Variants in AP3D1 observed in about 807,000 individuals in gnomAD.
AP3D1 encodes AP-3 complex subunit delta-1.
A neutral mutation model predicts 147.6 loss-of-function variants in AP3D1; 51 were observed. That is an observed-to-expected ratio of 0.35 (90% CI 0.28 to 0.44). The LOEUF (loss-of-function observed/expected upper bound fraction) is 0.44, where lower values mean the gene tolerates loss of function less well. AP3D1 is among the 20% of genes least tolerant of loss of function. The pLI is 1.00. For synonymous variants in AP3D1, 760 were observed against 663.0 expected (o/e 1.15, Z -2.25); for missense variants, 1,421 against 1,624.2 (o/e 0.87, Z 2.15).
chr19:2,156,988 C>A (rs537361258), intron 1 of AP3D1, among the ~76,000 whole-genome samples: 6 of 150,520 alleles, frequency 4.0e-5, no homozygotes, highest in African/African-American at 1.5e-4. Context: ...ACCCATCCAC[C>A]CATCAACAAG....
At position 2,149,285 on chromosome 19, in the gene AP3D1, C is replaced by T. The variant is rs1170648800; in HGVS notation, c.96+1954G>A. On this transcript the variant is annotated intron_variant, in intron 1 of 31. Transcript: ENST00000643116. ...TCCCAGCCGGGTGCAGTGGCTCACG[C>T]CTGTAATTCTAACACTCTGGGAGGC... Among the ~76,000 whole-genome samples, 3 of 152,294 alleles carry T rather than the reference C, an allele frequency of 2.0e-5. No homozygotes were observed. In the South Asian group the frequency reaches 6.2e-4, roughly 32 times the overall value.
Position 2,126,670 on chromosome 19 carries a change from AAG to A in AP3D1, c.856+480_856+481del, listed in dbSNP as rs201750715. On this transcript the variant is annotated intron_variant, in intron 9 of 31. Transcript: ENST00000643116. ...TCTGCCTCAAAAAAAAAAAAAAAAA[AAG>A]AAAGAAAAAGAAAATATTTTTGTGG... 1.6e-3 allele frequency among the ~76,000 whole-genome samples: 237 copies of A among 151,134 alleles called. 4 individuals carry two copies. The highest frequency in any genetic ancestry group is 5.6e-3 in the African/African-American group (229 of 41,160).
At chr19:2,127,015 C>T in intron 9 of AP3D1, 137 bp downstream of exon 9, 1 of 907,092 alleles carries the variant, frequency 1.1e-6, no homozygotes. Flanking sequence ...AGCCCCAGGC[C>T]CCACCAGCCA....
chr19:2,129,858 C>T (rs756382527), intron 6 of AP3D1, among the ~76,000 whole-genome samples: 13 of 152,200 alleles, frequency 8.5e-5, no homozygotes, highest in African/African-American at 1.2e-4. Context: ...GCTCGCCCAT[C>T]GGGTCCCGGG....
chr19:2,103,625 C>G (rs899352024), intron 31 of AP3D1, among the ~76,000 whole-genome samples: 4 of 152,318 alleles, frequency 2.6e-5, no homozygotes, highest in South Asian at 4.1e-4. Context: ...AGGCCAGGGA[C>G]AAGAGGCAGC....
chr19:2,159,237 G>C (rs769327384), intron 1 of AP3D1, among the ~76,000 whole-genome samples: 109 of 96,584 alleles, frequency 1.1e-3, no homozygotes, highest in Admixed American at 1.7e-3. Flanking sequence ...TTTTTTTTTT[G>C]AGACGGAGTC....
At chr19:2,138,152 T>C (rs568962689) in intron 2 of AP3D1, among the ~76,000 whole-genome samples, 2 of 152,298 alleles carry the variant, frequency 1.3e-5, no homozygotes, top group South Asian at 4.1e-4. Context: ...TGGGGGACCC[T>C]GGACGAGCCC....
At position 2,117,310 on chromosome 19, in the gene AP3D1, G is replaced by C; in HGVS notation, c.1771C>G (p.Pro591Ala). 1 of 1,612,760 alleles carries C rather than the reference G, an allele frequency of 6.2e-7. No individual in the cohort carries two copies. Among genetic ancestry groups the C allele is most frequent in the African/African-American group, 1.3e-5 (1 of 75,026 alleles). Reference sequence around the variant, plus strand: ...AGAGCGCTGACCTCCTCTGCCACAGGCACGTCCTTGGCCTGAAGCTTCTGG... The same window carrying C: ...AGAGCGCTGACCTCCTCTGCCACAGCCACGTCCTTGGCCTGAAGCTTCTGG... ...HIQKLQAKDV[P>A]VAEEVSALFA... The change falls in exon 16 of 32, where the codon CCT becomes GCT. Residue 591 changes from proline to alanine, a missense_variant. Pro to Ala is a conservative substitution (Grantham distance 27, BLOSUM62 -1). Coordinates refer to ENST00000643116, the MANE Select transcript of AP3D1 (RefSeq NM_001261826.3).
intron 1 of AP3D1, among the ~76,000 whole-genome samples, chr19:2,140,187 C>G (rs866972607): frequency 6.6e-6 from 1 of 152,160 alleles, no homozygotes. Flanking sequence ...AAGACCATCC[C>G]AGGCGTGGAG....
chr19:2,150,409 G>A (rs930744454), intron 1 of AP3D1, among the ~76,000 whole-genome samples: 1 of 152,350 alleles, frequency 6.6e-6, no homozygotes, highest in Non-Finnish European at 1.5e-5. Flanking sequence ...TAGGTCACAG[G>A]TTGGGGGAAG....
rs137939397 is a variant in AP3D1 at position 2,157,441 on chromosome 19, C to CAAAAAAAA, written c.-103+6907_-103+6914dup. ...TGGGCGACAGAGCGAGACTCCGTCTCAAAAAAAAAAAAAAAAAAAGAAAAA... is the reference window on the plus strand; with the variant it reads ...TGGGCGACAGAGCGAGACTCCGTCTCAAAAAAAAAAAAAAAAAAAAAAAAAAAGAAAAA... On this transcript the variant is annotated intron_variant, in intron 1 of 14. Coordinates refer to the AP3D1 transcript ENST00000643010. Among the ~76,000 whole-genome samples, 77 of 101,118 alleles carry CAAAAAAAA rather than the reference C, an allele frequency of 7.6e-4. 3 individuals are homozygous for CAAAAAAAA. Among genetic ancestry groups the CAAAAAAAA allele is most frequent in the African/African-American group, 4.2e-3 (72 of 17,078 alleles). 66.3% of individuals were successfully genotyped at this position (101,118 alleles called of 152,430 possible).
At position 2,121,851 on chromosome 19, in the gene AP3D1, G is replaced by A. The variant is rs1310516297; in HGVS notation, c.984C>T (p.Ser328=). Residue 328 remains serine, a synonymous_variant, in exon 12 of 32, where the codon TCC becomes TCT. Coordinates refer to ENST00000643116, the MANE Select transcript of AP3D1 (RefSeq NM_001261826.3). ...ACTTGGGGTGGGTCTTCAGGATCTT[G>A]GACATTGCCAGCAGCCCCAGGTACT... The part of the protein sequence containing the change: ...NLKYLGLLAM[S]KILKTHPKSV... 1.2e-6 allele frequency: 2 copies of A among 1,609,638 alleles called. No individual in the cohort carries two copies. Among genetic ancestry groups the A allele is most frequent in the Non-Finnish European group, 8.5e-7 (1 of 1,178,572 alleles).
At chr19:2,105,780 C>T (rs1013064103) in intron 31 of AP3D1, among the ~76,000 whole-genome samples, 3 of 152,176 alleles carry the variant, frequency 2.0e-5, no homozygotes, top group Admixed American at 2.0e-4. Context: ...AGATCAGCTC[C>T]AGCCGCCTCA....
intron 30 of AP3D1, 154 bp downstream of exon 30, chr19:2,108,932 G>C (rs922038046): frequency 7.5e-7 from 1 of 1,331,588 alleles, no homozygotes; most frequent in Non-Finnish European, 1.0e-6. Flanking sequence ...TGCAGCCCCC[G>C]CACCAGCTCC....
intron 1 of AP3D1, among the ~76,000 whole-genome samples, chr19:2,158,212 C>T (rs1237383795): frequency 2.0e-5 from 3 of 152,052 alleles, no homozygotes; most frequent in African/African-American, 4.8e-5. Context: ...CCCGCCACCA[C>T]GCCCGGCTAA....
upstream of AP3D1, among the ~76,000 whole-genome samples, chr19:2,155,859 T>C (rs1318678090): frequency 6.6e-6 from 1 of 152,036 alleles, no homozygotes; most frequent in African/African-American, 2.4e-5. Flanking sequence ...GAGACCATCC[T>C]GGCTAACACG....
chr19:2,141,131 T>A (rs1003190843), intron 1 of AP3D1, among the ~76,000 whole-genome samples: 8 of 152,144 alleles, frequency 5.3e-5, no homozygotes, highest in Non-Finnish European at 4.4e-5. Context: ...ATTATAAACA[T>A]AGATGTAAAT....
chr19:2,101,888 C>G lies in AP3D1; in HGVS notation c.*285G>C. 2.4e-6 allele frequency: 1 copy of G among 411,620 alleles called. No individual in the cohort carries two copies. Among genetic ancestry groups the G allele is most frequent in the South Asian group, 2.6e-5 (1 of 38,186 alleles). The allele number at this position is 411,620 out of a possible 1,614,324, so 25.5% of individuals were successfully genotyped here. On this transcript the variant is annotated 3_prime_UTR_variant, in exon 32 of 32. Coordinates refer to ENST00000643116, the MANE Select transcript of AP3D1 (RefSeq NM_001261826.3). ...GAAGCCACATTCAAGGACTCGGCCC[C>G]CAGCGCGGGGCAGGGCACAGACCCA...
chr19:2,123,922 C>T, intron 9 of AP3D1, 43 bp from the exon 10 acceptor site: 3 of 1,554,612 alleles, frequency 1.9e-6, no homozygotes, highest in South Asian at 2.4e-5. Context: ...AGCACCATGG[C>T]CAGCGCCGAC....
Sources: gnomAD v4.1 joint callset for allele counts (sites outside exome capture counted in the v4.1 genomes callset) on GRCh38, gnomAD v4.1.1 for gene constraint, MANE v1.5 for transcripts, NCBI Gene and HGNC (gene_info 2026-07-23, HGNC 2026-07-21) for gene names.